PHLPP1: variants seen among roughly 807,000 people sequenced by gnomAD.
PHLPP1 encodes the protein PH domain and leucine rich repeat protein phosphatase 1.
In PHLPP1, 42 loss-of-function variants were observed where a neutral mutation model predicts 117.2. That is an observed-to-expected ratio of 0.36 (90% CI 0.28 to 0.46). The LOEUF (loss-of-function observed/expected upper bound fraction) is 0.46, where lower values mean the gene tolerates loss of function less well. PHLPP1 is among the 20% of genes least tolerant of loss of function. The probability of loss-of-function intolerance (pLI) is 1.00; values close to 1 mark genes in which losing one functional copy is unlikely to be tolerated. For missense variants in PHLPP1, 2,084 were observed against 2,241.9 expected (o/e 0.93, Z 1.42); for synonymous variants, 1,042 against 970.7 (o/e 1.07, Z -1.37).
intron 1 of PHLPP1, among the ~76,000 whole-genome samples, chr18:62,755,500 G>T (rs1911988115): frequency 6.6e-6 from 1 of 152,110 alleles, no homozygotes; most frequent in Non-Finnish European, 1.5e-5. Flanking sequence ...GGGGTGATTA[G>T]GTCATGAGAG....
chr18:62,913,596 T>C (rs521789), intron 8 of PHLPP1, among the ~76,000 whole-genome samples: 53,998 of 152,120 alleles, frequency 0.35, 11,634 homozygotes, highest in Non-Finnish European at 0.49. Context: ...AAATTCTTTG[T>C]GCCTGATCAT....
At chr18:62,900,846 T>C (rs1916705837) in intron 6 of PHLPP1, among the ~76,000 whole-genome samples, 1 of 152,228 alleles carries the variant, frequency 6.6e-6, no homozygotes, top group Admixed American at 6.5e-5. Flanking sequence ...AGATAGTGCA[T>C]GTGAACTAGC....
At chr18:62,758,929 A>G (rs1285473750) in intron 1 of PHLPP1, among the ~76,000 whole-genome samples, 1 of 152,214 alleles carries the variant, frequency 6.6e-6, no homozygotes, top group Non-Finnish European at 1.5e-5. Context: ...CTAAGGAAAA[A>G]GGAAAATTTT....
chr18:62,841,086 C>G (rs997105404), intron 3 of PHLPP1, among the ~76,000 whole-genome samples: 2 of 152,124 alleles, frequency 1.3e-5, no homozygotes, highest in Admixed American at 6.6e-5. Flanking sequence ...TGGGGTTTCA[C>G]TATGTTGGCC....
chr18:62,747,173 C>A (rs1436050141), intron 1 of PHLPP1, among the ~76,000 whole-genome samples: 1 of 151,778 alleles, frequency 6.6e-6, no homozygotes, highest in Non-Finnish European at 1.5e-5. Context: ...TTAATTTATG[C>A]TCTTATTTTT....
chr18:62,918,458 A>G (rs1410464443), intron 9 of PHLPP1, among the ~76,000 whole-genome samples: 1 of 148,586 alleles, frequency 6.7e-6, no homozygotes, highest in African/African-American at 2.5e-5. Context: ...GATGAACCAC[A>G]TGCTGAGCTA....
chr18:62,756,089 A>G (rs1224292414), intron 1 of PHLPP1, among the ~76,000 whole-genome samples: 4 of 151,070 alleles, frequency 2.6e-5, no homozygotes, highest in Non-Finnish European at 5.9e-5. Flanking sequence ...AACATGCTAC[A>G]CTAGCTCATG....
intron 4 of PHLPP1, among the ~76,000 whole-genome samples, chr18:62,872,032 G>A (rs1465836103): frequency 6.6e-6 from 1 of 152,160 alleles, no homozygotes; most frequent in East Asian, 1.9e-4. Flanking sequence ...TAAATATAGA[G>A]GAGGCAAAAC....
intron 1 of PHLPP1, among the ~76,000 whole-genome samples, chr18:62,771,665 T>A (rs1410089540): frequency 6.6e-6 from 1 of 152,230 alleles, no homozygotes; most frequent in East Asian, 1.9e-4. Flanking sequence ...GGTCCTCTAG[T>A]TATGAGGAGG....
chr18:62,849,482 GAAACCCCATCTCTAC>G (rs1389996219), intron 3 of PHLPP1, among the ~76,000 whole-genome samples: 2 of 151,598 alleles, frequency 1.3e-5, no homozygotes, highest in Non-Finnish European at 2.9e-5. Context: ...CCAACATGGT[GAAACCCCATCTCTAC>G]TAAAAATACA....
intron 1 of PHLPP1, among the ~76,000 whole-genome samples, chr18:62,828,483 C>T (rs998633760): frequency 6.6e-6 from 1 of 152,204 alleles, no homozygotes; most frequent in Non-Finnish European, 1.5e-5. Flanking sequence ...AGCTGAATCA[C>T]TGTTATACTT....
intron 1 of PHLPP1, among the ~76,000 whole-genome samples, chr18:62,817,234 A>G (rs957846567): frequency 3.9e-5 from 6 of 152,220 alleles, no homozygotes; most frequent in South Asian, 2.1e-4. Flanking sequence ...GTGAGCCACC[A>G]TGCCTGGCTC....
chr18:62,836,632 A>AT (rs1435705078), intron 2 of PHLPP1, among the ~76,000 whole-genome samples: 1 of 149,460 alleles, frequency 6.7e-6, no homozygotes, highest in Non-Finnish European at 1.5e-5. Flanking sequence ...GTTTTCCTTC[A>AT]TTTTTTTGTT....
chr18:62,915,894 C>T (rs1323487063), intron 9 of PHLPP1, among the ~76,000 whole-genome samples: 5 of 152,208 alleles, frequency 3.3e-5, no homozygotes, highest in Non-Finnish European at 7.3e-5. Flanking sequence ...GTGGCTGCCT[C>T]AACCCAGGTC....
intron 4 of PHLPP1, among the ~76,000 whole-genome samples, chr18:62,886,825 A>G (rs1251503723): frequency 6.6e-6 from 1 of 152,178 alleles, no homozygotes; most frequent in Non-Finnish European, 1.5e-5. Context: ...AATAATTAAG[A>G]TTACTCTTGA....
intron 10 of PHLPP1, among the ~76,000 whole-genome samples, chr18:62,922,554 T>C (rs562701602): frequency 4.9e-4 from 74 of 152,350 alleles, no homozygotes; most frequent in Non-Finnish European, 7.1e-4. Context: ...TGGAGAATTA[T>C]AAGTTATATC....
intron 15 of PHLPP1, 49 bp downstream of exon 15, chr18:62,972,757 G>T: frequency 7.2e-7 from 1 of 1,382,896 alleles, no homozygotes; most frequent in Non-Finnish European, 1.0e-6. Context: ...CTTGCTCTTT[G>T]AGTGTTTATC....
chr18:62,836,663 G>A (rs1260505822), intron 2 of PHLPP1, among the ~76,000 whole-genome samples: 2 of 150,420 alleles, frequency 1.3e-5, no homozygotes, highest in East Asian at 3.9e-4. Context: ...GTTTGCATGA[G>A]TTTGGATTGA....
At chr18:62,862,323 C>T (rs1178969335) in intron 4 of PHLPP1, among the ~76,000 whole-genome samples, 3 of 152,050 alleles carry the variant, frequency 2.0e-5, no homozygotes, top group Middle Eastern at 3.4e-3. Context: ...TGAAGTGATC[C>T]GCCCACCTTG....
Sources: gnomAD v4.1 joint callset for allele counts (sites outside exome capture counted in the v4.1 genomes callset) on GRCh38, gnomAD v4.1.1 for gene constraint, MANE v1.5 for transcripts, NCBI Gene and HGNC (gene_info 2026-07-23, HGNC 2026-07-21) for gene names.